Variants in DRICH1 observed in about 807,000 individuals in gnomAD.
DRICH1 encodes aspartate-rich protein 1.
DRICH1 carries 38 observed loss-of-function variants against 39.5 expected under a neutral mutation model. The observed-to-expected ratio is 0.96, with a 90% CI of 0.74 to 1.26. The LOEUF is 1.26. DRICH1 is among the 50% of genes most tolerant of loss of function. The pLI is 0.00. For missense variants in DRICH1, 279 were observed against 270.4 expected (o/e 1.03, Z -0.22); for synonymous variants, 84 against 99.5 (o/e 0.84, Z 0.93).
the DRICH1 span, among the ~76,000 whole-genome samples, chr22:23,582,022 C>CAAAAA: frequency 0.03 from 4,525 of 152,128 alleles, 72 homozygotes; most frequent in Middle Eastern, 0.045. Context: ...CTCTGTTGCC[C>CAAAAA]AGGCTGGAGT....
At chr22:23,590,681 C>A in the DRICH1 span, among the ~76,000 whole-genome samples, 2 of 152,128 alleles carry the variant, frequency 1.3e-5, no homozygotes, top group African/African-American at 2.4e-5. Flanking sequence ...TCATTGCAAC[C>A]TCTGCCTCCC....
At chr22:23,624,715 G>A (rs1437785998) in intron 3 of DRICH1, among the ~76,000 whole-genome samples, 168 bp downstream of exon 3, 1 of 152,110 alleles carries the variant, frequency 6.6e-6, no homozygotes, top group East Asian at 1.9e-4. Flanking sequence ...TTGGTCCTCT[G>A]GGTTCACACA....
chr22:23,606,516 C>T (rs1397648743), downstream of DRICH1, among the ~76,000 whole-genome samples: 1 of 152,186 alleles, frequency 6.6e-6, no homozygotes, highest in African/African-American at 2.4e-5. Flanking sequence ...ACACTGGCCT[C>T]CACTCTAGGT....
downstream of DRICH1, among the ~76,000 whole-genome samples, chr22:23,606,089 CA>C (rs557388221): frequency 4.4e-3 from 619 of 139,308 alleles, 4 homozygotes; most frequent in African/African-American, 0.01. Flanking sequence ...GACCCCACCT[CA>C]AAAAAAAAAA....
the DRICH1 span, among the ~76,000 whole-genome samples, chr22:23,589,065 G>A: frequency 6.7e-6 from 1 of 149,604 alleles, no homozygotes; most frequent in South Asian, 2.1e-4. Context: ...CCATCTTCAG[G>A]TGATGTTTAT....
intron 1 of DRICH1, chr22:23,630,600 G>T (rs890671973): frequency 6.6e-6 from 1 of 152,190 alleles, no homozygotes; most frequent in Non-Finnish European, 1.5e-5. Flanking sequence ...CAAGAAAACT[G>T]ACACTTGCAC....
chr22:23,594,265 C>T, the DRICH1 span, among the ~76,000 whole-genome samples: 1 of 151,914 alleles, frequency 6.6e-6, no homozygotes, highest in South Asian at 2.1e-4. Context: ...AAAGCAGCAG[C>T]CAACAACAAC....
At chr22:23,604,398 C>T (rs1315806371), downstream of DRICH1, among the ~76,000 whole-genome samples, 1 of 152,182 alleles carries the variant, frequency 6.6e-6, no homozygotes, top group East Asian at 1.9e-4. Context: ...CAGTCTCTGT[C>T]CTGCAAGCAT....
intron 1 of DRICH1, among the ~76,000 whole-genome samples, chr22:23,628,946 C>G (rs773719839): frequency 6.6e-6 from 1 of 152,178 alleles, no homozygotes; most frequent in Non-Finnish European, 1.5e-5. Context: ...ACAGGAAGGC[C>G]AGGTCCTGTT....
At chr22:23,628,959 C>G (rs947244819) in intron 1 of DRICH1, among the ~76,000 whole-genome samples, 1 of 152,196 alleles carries the variant, frequency 6.6e-6, no homozygotes, top group Non-Finnish European at 1.5e-5. Context: ...GTCCTGTTCA[C>G]TCCTACTCAG....
chr22:23,627,222 G>A lies in DRICH1; in HGVS notation c.209-1174C>T, dbSNP rs546371463. On this transcript the variant is annotated intron_variant, in intron 1 of 11. Transcript: ENST00000317749. ...CAAGTAGCTGGGATTACAGGTGTGC[G>A]TCACCACACCTGGCTAATTTTTGCA... 5.3e-5 allele frequency among the ~76,000 whole-genome samples: 8 copies of A among 151,952 alleles called. No homozygotes were observed. In the East Asian group the frequency reaches 9.7e-4, roughly 18 times the overall value.
At chr22:23,625,953 CT>C in intron 2 of DRICH1, 27 bp downstream of exon 2, 1 of 1,582,648 alleles carries the variant, frequency 6.3e-7, no homozygotes, top group East Asian at 2.3e-5. Flanking sequence ...GCAACATTTC[CT>C]TAGAAGGCAA....
chr22:23,618,178 ATCTCAGC>A (rs1233317002), intron 6 of DRICH1, among the ~76,000 whole-genome samples: 1 of 138,962 alleles, frequency 7.2e-6, no homozygotes, highest in African/African-American at 2.7e-5. Flanking sequence ...CAGTGGTGTG[ATCTCAGC>A]TCACTGCAAG....
downstream of DRICH1, chr22:23,608,296 T>C (rs1926846046): frequency 6.0e-6 from 1 of 167,244 alleles, no homozygotes; most frequent in Non-Finnish European, 1.3e-5. Flanking sequence ...TGCAGGCCCA[T>C]ATGCACACCT....
At chr22:23,626,148 G>A (rs1460181170) in intron 1 of DRICH1, 100 bp from the exon 2 acceptor site, 2 of 778,314 alleles carry the variant, frequency 2.6e-6, no homozygotes, top group Non-Finnish European at 4.5e-6. Context: ...TGGGACTGAA[G>A]GTTCGGAGAC....
the DRICH1 span, among the ~76,000 whole-genome samples, chr22:23,596,941 A>G: frequency 6.6e-6 from 1 of 151,390 alleles, no homozygotes; most frequent in Admixed American, 6.6e-5. Flanking sequence ...TATTGACAGT[A>G]TAGTATTGCA....
chr22:23,584,421 A>G, the DRICH1 span, among the ~76,000 whole-genome samples: 1 of 152,082 alleles, frequency 6.6e-6, no homozygotes, highest in African/African-American at 2.4e-5. Flanking sequence ...CCAGGCCTCA[A>G]AGACTCCGCC....
chr22:23,613,048 AAG>A (rs1927133088), intron 11 of DRICH1, among the ~76,000 whole-genome samples: 1 of 152,226 alleles, frequency 6.6e-6, no homozygotes, highest in Non-Finnish European at 1.5e-5. Flanking sequence ...CAGGGCACAA[AAG>A]AGCAGGTGCA....
downstream of DRICH1, among the ~76,000 whole-genome samples, chr22:23,604,226 T>C (rs941259464): frequency 2.0e-5 from 3 of 151,866 alleles, no homozygotes; most frequent in Admixed American, 6.6e-5. Context: ...GCCTGGCACC[T>C]GTCTAGCCTG....
Sources: gnomAD v4.1 joint callset for allele counts (sites outside exome capture counted in the v4.1 genomes callset) on GRCh38, gnomAD v4.1.1 for gene constraint, MANE v1.5 for transcripts, NCBI Gene and HGNC (gene_info 2026-07-23, HGNC 2026-07-21) for gene names.